Variants in NAA35 observed in about 807,000 individuals in gnomAD.
The protein encoded by NAA35 is MAK10 homolog, amino-acid N-acetyltransferase subunit.
Under a neutral mutation model 101.7 loss-of-function variants are expected in NAA35, and 18 were observed. The observed-to-expected ratio is 0.18, with a 90% CI of 0.12 to 0.26. The LOEUF (loss-of-function observed/expected upper bound fraction) is 0.26, where lower values mean the gene tolerates loss of function less well. Ranked by LOEUF, NAA35 falls within the 10% of genes least tolerant of loss-of-function variation. The probability of loss-of-function intolerance (pLI) is 1.00; values close to 1 mark genes in which losing one functional copy is unlikely to be tolerated. For missense variants in NAA35, 601 were observed against 886.8 expected, an observed-to-expected ratio of 0.68 and a Z score of 4.09; for synonymous variants, 267 against 273.1, an observed-to-expected ratio of 0.98 and a Z score of 0.22.
intron 6 of NAA35, among the ~76,000 whole-genome samples, chr9:85,971,985 T>A (rs1022517789): frequency 3.3e-5 from 5 of 152,172 alleles, no homozygotes; most frequent in South Asian, 4.1e-4. Context: ...AGTCCACAAA[T>A]CTTCAAGAGT....
In NAA35 at chr9:85,942,155, G is replaced by A; in HGVS notation, c.-5G>A. 4 of 1,613,148 alleles carry A rather than the reference G, an allele frequency of 2.5e-6. No homozygotes were observed. The highest frequency in any genetic ancestry group is 3.4e-6 in the Non-Finnish European group (4 of 1,179,774). On this transcript the variant is annotated splice_region_variant and 5_prime_UTR_variant, in exon 2 of 23. Transcript: ENST00000361671. Reference sequence around the variant, plus strand: ...TCTTACATCAGTATTAATTTTACAGGCATAATGGTTATGAAAGCTTCTGTA... The same window carrying A: ...TCTTACATCAGTATTAATTTTACAGACATAATGGTTATGAAAGCTTCTGTA...
Position 85,985,600 on chromosome 9 carries a change from G to T in NAA35, c.877+7219G>T, listed in dbSNP as rs144675948. 6.7e-3 allele frequency among the ~76,000 whole-genome samples: 1,013 copies of T among 152,242 alleles called. 5 individuals carry two copies. Among genetic ancestry groups the T allele is most frequent in the Middle Eastern group, 0.014 (4 of 294 alleles). On this transcript the variant is annotated intron_variant, in intron 11 of 22. Transcript: ENST00000361671. ...GGATTGGGGGAAGAATCATGGGCAG[G>T]TAAGAGTGATTGCTAATGGGTATAG...
At chr9:85,977,132 T>G (rs1171853357) in intron 9 of NAA35, among the ~76,000 whole-genome samples, 2 of 152,130 alleles carry the variant, frequency 1.3e-5, no homozygotes, top group African/African-American at 4.8e-5. Context: ...AATTTTGACT[T>G]AGGACAAGAT....
At chr9:86,011,207 C>T (rs967686492) in intron 15 of NAA35, among the ~76,000 whole-genome samples, 8 of 150,968 alleles carry the variant, frequency 5.3e-5, no homozygotes, top group Admixed American at 5.3e-4. Flanking sequence ...CCATTGCACT[C>T]CAGCCTGGGC....
intron 11 of NAA35, among the ~76,000 whole-genome samples, chr9:85,994,876 G>T (rs73653506): frequency 0.012 from 1,753 of 152,224 alleles, 35 homozygotes; most frequent in African/African-American, 0.04. Flanking sequence ...AGCTAGCAGA[G>T]AATTGGAATG....
intron 12 of NAA35, among the ~76,000 whole-genome samples, chr9:86,003,226 T>C (rs896940081): frequency 3.3e-5 from 5 of 152,232 alleles, no homozygotes; most frequent in African/African-American, 1.2e-4. Context: ...CAATCAGTAA[T>C]GTGCATCCAG....
At chr9:85,963,648 G>C (rs1829619512) in intron 6 of NAA35, among the ~76,000 whole-genome samples, 2 of 151,966 alleles carry the variant, frequency 1.3e-5, no homozygotes, top group Admixed American at 1.3e-4. Context: ...ATTGATATGG[G>C]TATCATTATG....
At position 86,020,762 on chromosome 9, in the gene NAA35, T is replaced by C. The variant is rs1587677456; in HGVS notation, c.2038-127T>C. 6.9e-6 allele frequency: 4 copies of C among 577,980 alleles called. No homozygotes were observed. In the East Asian group the frequency reaches 1.3e-4, roughly 18 times the overall value. 35.8% of individuals were successfully genotyped at this position (577,980 alleles called of 1,614,324 possible). A position where few individuals can be genotyped will look rare whatever the true frequency, so the allele number is the denominator to read the frequency against. The stretch of plus-strand genomic sequence containing the variant: ...AGGAGGATTGCCTGAACCAGGAGGT[T>C]GAGGCTTCAGTGAGCCGTGTTCTTA... On this transcript the variant is annotated intron_variant, in intron 21 of 22. Transcript: ENST00000361671.
chr9:85,968,994 C>G (rs943911992), intron 6 of NAA35, among the ~76,000 whole-genome samples: 2 of 152,086 alleles, frequency 1.3e-5, no homozygotes, highest in Admixed American at 1.3e-4. Context: ...ATTGTGAAAC[C>G]TATCAGATAA....
At position 86,020,176 on chromosome 9, in the gene NAA35, TGGA is replaced by T. The variant is rs1479462670; in HGVS notation, c.2038-710_2038-708del. ...GAATTGGTAGTTTTGTTTCCTTCCT[TGGA>T]GGGAAGCAGAGTGCCTGGAAGAGAG... is the stretch of plus-strand genomic sequence containing the variant. On this transcript the variant is annotated intron_variant, in intron 21 of 22. Coordinates refer to ENST00000361671, the MANE Select transcript of NAA35 (RefSeq NM_024635.4). Among the ~76,000 whole-genome samples the T allele has an allele frequency of 9.2e-5, 14 of 152,278 alleles. No individual in the cohort carries two copies. The East Asian group carries it at 2.1e-3, about 23-fold the overall frequency.
At chr9:85,965,820 TAAG>T (rs1829719895) in intron 6 of NAA35, among the ~76,000 whole-genome samples, 1 of 152,190 alleles carries the variant, frequency 6.6e-6, no homozygotes, top group Admixed American at 6.5e-5. Flanking sequence ...TCTTCATACA[TAAG>T]AGGATAACAG....
intron 18 of NAA35, 149 bp from the exon 19 acceptor site, chr9:86,017,349 A>G (rs1431686078): frequency 5.2e-6 from 3 of 574,604 alleles, no homozygotes; most frequent in Admixed American, 6.1e-5. Context: ...GATTTTGACC[A>G]TAAATAAAAT....
intron 11 of NAA35, among the ~76,000 whole-genome samples, chr9:85,993,975 ATTT>A (rs56865808): frequency 1.4e-5 from 2 of 143,256 alleles, no homozygotes; most frequent in African/African-American, 5.1e-5. Context: ...CACCCGGCTA[ATTT>A]TTTTTTTTTT....
At chr9:86,017,404 T>C in intron 18 of NAA35, 94 bp from the exon 19 acceptor site, 1 of 1,132,672 alleles carries the variant, frequency 8.8e-7, no homozygotes, top group South Asian at 1.4e-5. Flanking sequence ...GTATACAAGC[T>C]GAAAGATTTT....
intron 11 of NAA35, 96 bp downstream of exon 11, chr9:85,978,477 G>A (rs1830307239): frequency 2.6e-6 from 2 of 767,012 alleles, no homozygotes; most frequent in Non-Finnish European, 4.5e-6. Flanking sequence ...AGTCAGTCTT[G>A]TACCTTGGGA....
chr9:86,017,386 T>G, intron 18 of NAA35, 112 bp from the exon 19 acceptor site: 1 of 865,236 alleles, frequency 1.2e-6, no homozygotes, highest in Non-Finnish European at 1.8e-6. Context: ...CACTGAAGTT[T>G]TAATTTAGTA....
chr9:86,013,214 A>G (rs1832035394), intron 16 of NAA35, 70 bp downstream of exon 16: 2 of 945,772 alleles, frequency 2.1e-6, no homozygotes, highest in South Asian at 2.1e-5. Flanking sequence ...TTTAAAAACA[A>G]TAATTCAGAA....
chr9:85,989,280 GACCAA>G (rs982406555), intron 11 of NAA35, among the ~76,000 whole-genome samples: 2 of 148,002 alleles, frequency 1.4e-5, no homozygotes, highest in South Asian at 2.1e-4. Context: ...AGACCAGCCT[GACCAA>G]CATGGGGAAA....
intron 15 of NAA35, among the ~76,000 whole-genome samples, 155 bp from the exon 16 acceptor site, chr9:86,012,886 TAAAAC>T (rs1212605702): frequency 1.3e-5 from 2 of 152,224 alleles, no homozygotes; most frequent in Non-Finnish European, 2.9e-5. Flanking sequence ...TTGAGTTCCT[TAAAAC>T]AAACACCTAT....
Sources: gnomAD v4.1 joint callset for allele counts (sites outside exome capture counted in the v4.1 genomes callset) on GRCh38, gnomAD v4.1.1 for gene constraint, MANE v1.5 for transcripts, NCBI Gene and HGNC (gene_info 2026-07-23, HGNC 2026-07-21) for gene names.